Variants in CACNA1B observed in about 807,000 individuals in gnomAD.
CACNA1B encodes voltage-dependent N-type calcium channel subunit alpha-1B.
A neutral mutation model predicts 247.2 loss-of-function variants in CACNA1B; 70 were observed. That is an observed-to-expected ratio of 0.28 (90% CI 0.23 to 0.35). The LOEUF is 0.35. CACNA1B is among the 10% of genes least tolerant of loss of function. The pLI is 1.00. For synonymous variants in CACNA1B, 1,231 were observed against 1,294.4 expected (o/e 0.95, Z 1.05); for missense variants, 2,367 against 3,197.4 (o/e 0.74, Z 6.26).
intron 10 of CACNA1B, among the ~76,000 whole-genome samples, chr9:137,960,207 GGAGGGA>G (rs1418443747): frequency 2.7e-5 from 4 of 147,556 alleles, no homozygotes; most frequent in Non-Finnish European, 4.5e-5. Flanking sequence ...AGGGGGAGGG[GGAGGGA>G]AGGTCGGCCG....
rs1554919655 is a variant in CACNA1B, at chr9:137,884,962, C to CCA, written c.530+2080_530+2081insAC. ...CTCTCCCTCCTCTCCCCTCTTCCCC[C>CCA]CCCCCCTCCTCCCACTTTGCCTGTC... On this transcript the variant is annotated intron_variant, in intron 3 of 46. Transcript: ENST00000371372. Among the ~76,000 whole-genome samples the CCA allele has an allele frequency of 3.7e-5, 4 of 109,086 alleles. No individual in the cohort carries two copies. The South Asian group carries it at 9.8e-4, about 27-fold the overall frequency. The allele number at this position is 109,086 out of a possible 152,430, so 71.6% of individuals were successfully genotyped here.
At chr9:137,997,201 GTA>G in intron 15 of CACNA1B, among the ~76,000 whole-genome samples, 2 of 152,262 alleles carry the variant, frequency 1.3e-5, no homozygotes, top group East Asian at 3.9e-4. Context: ...AGGGCTCATT[GTA>G]CTCCACTCTG....
rs778107683 is a variant in CACNA1B at position 138,124,275 on chromosome 9, A to AACATATAT, written c.*2296_*2303dup. On this transcript the variant is annotated 3_prime_UTR_variant, in exon 47 of 47. Coordinates refer to ENST00000371372, the MANE Select transcript of CACNA1B (RefSeq NM_000718.4). The stretch of plus-strand genomic sequence containing the variant: ...GTTTGAACAAGTTATGTGTGCATGT[A>AACATATAT]ACATATATACATATATACATATATA... 3.6e-4 allele frequency: 55 copies of AACATATAT among 152,238 alleles called. No individual in the cohort carries two copies. Among genetic ancestry groups the AACATATAT allele is most frequent in the Admixed American group, 2.6e-4 (4 of 15,270 alleles). The allele number at this position is 152,238 out of a possible 1,614,324, so 9.4% of individuals were successfully genotyped here.
In CACNA1B at chr9:137,900,246, G is replaced by A. The variant is rs148472392; in HGVS notation, c.531-12934G>A. ...GGTCCAGGTGGAGGGCGTGTGGCTG[G>A]GACCTAGAGTCTGGGGGATGTGAGG... On this transcript the variant is annotated intron_variant, in intron 3 of 46. Coordinates refer to ENST00000371372, the MANE Select transcript of CACNA1B (RefSeq NM_000718.4). Among the ~76,000 whole-genome samples, 455 of 152,320 alleles carry A rather than the reference G, an allele frequency of 3.0e-3. 1 individual carries two copies. The highest frequency in any genetic ancestry group is 0.024 in the Middle Eastern group (7 of 294).
chr9:137,930,512 A>G (rs1055180352), intron 6 of CACNA1B, among the ~76,000 whole-genome samples: 4 of 152,222 alleles, frequency 2.6e-5, no homozygotes, highest in African/African-American at 7.2e-5. Flanking sequence ...ATGGCTCGGA[A>G]TATGGTCTAT....
At chr9:137,920,882 G>A (rs1957469569) in intron 6 of CACNA1B, among the ~76,000 whole-genome samples, 2 of 152,342 alleles carry the variant, frequency 1.3e-5, no homozygotes, top group South Asian at 4.1e-4. Flanking sequence ...AAGAAAGGGA[G>A]AATCGGGAGA....
chr9:137,920,714 T>C (rs1403339723), intron 6 of CACNA1B, among the ~76,000 whole-genome samples: 1 of 152,240 alleles, frequency 6.6e-6, no homozygotes, highest in Non-Finnish European at 1.5e-5. Flanking sequence ...ATGTTCATTG[T>C]ACTAGTTCCG....
chr9:138,058,999 T>C lies in CACNA1B; in HGVS notation c.4474-80T>C, dbSNP rs1296621692. On this transcript the variant is annotated intron_variant, in intron 29 of 46. Coordinates refer to ENST00000371372, the MANE Select transcript of CACNA1B (RefSeq NM_000718.4). The surrounding 1 kb of genome is among the most constrained non-coding windows in gnomAD (Gnocchi z 4.7). ...CAGGCATCGAGTTCTGTCTGCCCGC[T>C]TTGCTTGGTCATAGTGGTCCCAGAT... 3 of 865,298 alleles carry C rather than the reference T, an allele frequency of 3.5e-6. No individual in the cohort carries two copies. The East Asian group carries it at 7.8e-5, about 22-fold the overall frequency. The allele number at this position is 865,298 out of a possible 1,614,324, so 53.6% of individuals were successfully genotyped here.
rs1383720136 is a variant in CACNA1B at position 138,020,199 on chromosome 9, C to T, written c.2268-2812C>T. 6.6e-6 allele frequency among the ~76,000 whole-genome samples: 1 copy of T among 151,994 alleles called. No homozygotes were observed. Among genetic ancestry groups the T allele is most frequent in the Non-Finnish European group, 1.5e-5 (1 of 67,998 alleles). On this transcript the variant is annotated intron_variant, in intron 18 of 46. Coordinates refer to ENST00000371372, the MANE Select transcript of CACNA1B (RefSeq NM_000718.4). This position sits in a 1 kb window ranked among gnomAD's most constrained non-coding sequence, Gnocchi z 4.1. ...GTTCCGGGTTGTCTGAGCCCAGAGA[C>T]CTCAAAGCAGGGCCACAGAGCGCCT...
rs1325039159 is a variant in CACNA1B, at chr9:137,974,702, G to A, written c.1544-1205G>A. On this transcript the variant is annotated intron_variant, in intron 11 of 46. Coordinates refer to ENST00000371372, the MANE Select transcript of CACNA1B (RefSeq NM_000718.4). The surrounding 1 kb of genome is among the most constrained non-coding windows in gnomAD (Gnocchi z 4.5). ...TGCTTTATCAGAAGTTGTGTCTGCT[G>A]AAGGTCCCGTGTCCCAACAGAGACT... is the stretch of plus-strand genomic sequence containing the variant. Among the ~76,000 whole-genome samples, 1 of 152,210 alleles carries A rather than the reference G, an allele frequency of 6.6e-6. No homozygotes were observed. Among genetic ancestry groups the A allele is most frequent in the Non-Finnish European group, 1.5e-5 (1 of 68,030 alleles).
chr9:138,009,391 G>A (rs1196920611), intron 16 of CACNA1B, among the ~76,000 whole-genome samples: 3 of 152,216 alleles, frequency 2.0e-5, no homozygotes, highest in Non-Finnish European at 4.4e-5. Flanking sequence ...AGAGGCCCCA[G>A]GACACCATGC....
In CACNA1B at chr9:138,073,119, C is replaced by G. The variant is rs1254214297; in HGVS notation, c.4675-369C>G. On this transcript the variant is annotated intron_variant, in intron 32 of 46. Transcript: ENST00000371372. This position sits in a 1 kb window ranked among gnomAD's most constrained non-coding sequence, Gnocchi z 6.4. ...AGCACGTGGCCAGCTTGACCGTGTCCTGCAAGAGGTGGTCACTGCTGGAGG... is the reference window on the plus strand; with the variant it reads ...AGCACGTGGCCAGCTTGACCGTGTCGTGCAAGAGGTGGTCACTGCTGGAGG... Among the ~76,000 whole-genome samples the G allele has an allele frequency of 6.6e-6, 1 of 152,220 alleles. No homozygotes were observed. The highest frequency in any genetic ancestry group is 6.5e-5 in the Admixed American group (1 of 15,278).
intron 6 of CACNA1B, among the ~76,000 whole-genome samples, chr9:137,925,738 A>G (rs1589011242): frequency 6.7e-6 from 1 of 148,194 alleles, no homozygotes; most frequent in Non-Finnish European, 1.5e-5. Flanking sequence ...AAAATTTACC[A>G]TCGTAACCAT....
At chr9:137,890,310 C>G (rs1189868823) in intron 3 of CACNA1B, 1 of 149,080 alleles carries the variant, frequency 6.7e-6, no homozygotes, top group Non-Finnish European at 1.5e-5. Flanking sequence ...CAGGGCTGCC[C>G]TTGGATACCG....
chr9:138,120,704 C>G lies in CACNA1B; in HGVS notation c.6312C>G (p.Arg2104=), dbSNP rs1443435462. 6.6e-7 allele frequency: 1 copy of G among 1,521,072 alleles called. No individual in the cohort carries two copies. The highest frequency in any genetic ancestry group is 8.8e-7 in the Non-Finnish European group (1 of 1,138,760). 94.2% of individuals were successfully genotyped at this position (1,521,072 alleles called of 1,614,324 possible). Residue 2104 remains arginine (R), a synonymous_variant, in exon 46 of 47, where the codon CGC becomes CGG. Coordinates refer to ENST00000371372, the MANE Select transcript of CACNA1B (RefSeq NM_000718.4). ...GPTGCRRERE[R]RQERGRSQER... ...CAGGCTGCCGGCGGGAACGAGAGCG[C>G]CGGCAGGAGCGGGGCCGGTCCCAGG...
chr9:137,986,268 C>A lies in CACNA1B; in HGVS notation c.1770-145C>A. On this transcript the variant is annotated intron_variant, in intron 13 of 46. Coordinates refer to ENST00000371372, the MANE Select transcript of CACNA1B (RefSeq NM_000718.4). The surrounding 1 kb of genome is among the most constrained non-coding windows in gnomAD (Gnocchi z 6.0). The stretch of plus-strand genomic sequence containing the variant: ...GAAGTCCAGGGTAGTGGGCCTGAAA[C>A]TCCAGAGAAAAGCTCTAACTTCACA... 2 of 882,632 alleles carry A rather than the reference C, an allele frequency of 2.3e-6. No individual in the cohort carries two copies. The highest frequency in any genetic ancestry group is 1.7e-6 in the Non-Finnish European group (1 of 587,174). 54.7% of individuals were successfully genotyped at this position (882,632 alleles called of 1,614,324 possible).
Position 137,914,772 on chromosome 9 carries a change from C to A in CACNA1B, c.741C>A (p.Gly247=). The A allele has an allele frequency of 6.2e-7, 1 of 1,613,966 alleles. No individual in the cohort carries two copies. Among genetic ancestry groups the A allele is most frequent in the South Asian group, 1.1e-5 (1 of 91,068 alleles). Residue 247 remains glycine, a synonymous_variant, in exon 5 of 47, where the codon GGC becomes GGA. Coordinates refer to ENST00000371372, the MANE Select transcript of CACNA1B (RefSeq NM_000718.4). This position sits in a 1 kb window ranked among gnomAD's most constrained non-coding sequence, Gnocchi z 4.3. ...FAIIGLEFYM[G]KFHKACFPNS... Reference sequence around the variant, plus strand: ...TCATTGGCCTGGAGTTCTACATGGGCAAGTTCCACAAGGCCTGTTTCCCCA... The same window carrying A: ...TCATTGGCCTGGAGTTCTACATGGGAAAGTTCCACAAGGCCTGTTTCCCCA...
intron 40 of CACNA1B, among the ~76,000 whole-genome samples, chr9:138,113,799 G>GCTTTC (rs1961751801): frequency 2.1e-5 from 3 of 142,342 alleles, no homozygotes; most frequent in South Asian, 2.4e-4. Context: ...ACTCCATCTT[G>GCTTTC]TGGGAGACGT....
intron 31 of CACNA1B, among the ~76,000 whole-genome samples, chr9:138,065,266 C>CT (rs1307809005): frequency 1.3e-5 from 2 of 152,358 alleles, no homozygotes; most frequent in African/African-American, 4.8e-5. Flanking sequence ...CAGCCCTTCA[C>CT]TGGGCAGCCT....
Sources: allele counts gnomAD v4.1 joint callset (sites outside exome capture counted in the v4.1 genomes callset), GRCh38; gene constraint gnomAD v4.1.1; non-coding constraint Gnocchi (gnomAD v3.1); transcripts MANE v1.5; gene names NCBI Gene and HGNC (gene_info 2026-07-23, HGNC 2026-07-21).